The following TMEM178B variants were observed in gnomAD, a reference collection of about 807,000 sequenced individuals.
TMEM178B encodes the protein transmembrane protein 178B.
Under a neutral mutation model 31.0 loss-of-function variants are expected in TMEM178B, and 5 were observed. The observed-to-expected ratio is 0.16, with a 90% CI of 0.08 to 0.34. TMEM178B has a LOEUF of 0.34. Ranked by LOEUF, TMEM178B falls within the 10% of genes least tolerant of loss-of-function variation. The pLI is 1.00. For missense variants in TMEM178B, 275 were observed against 400.3 expected (o/e 0.69, Z 2.67); for synonymous variants, 164 against 164.0 (o/e 1.00, Z 0.00).
At chr7:141,101,675 T>C (rs971853335) in intron 1 of TMEM178B, among the ~76,000 whole-genome samples, 5 of 152,224 alleles carry the variant, frequency 3.3e-5, no homozygotes, top group African/African-American at 9.6e-5. Flanking sequence ...TAAAAATACA[T>C]GCAGCATATT....
intron 2 of TMEM178B, among the ~76,000 whole-genome samples, chr7:141,349,095 T>C (rs1799667402): frequency 6.6e-6 from 1 of 152,256 alleles, no homozygotes; most frequent in African/African-American, 2.4e-5. Flanking sequence ...CTTTATTTAG[T>C]AGCTAATTGA....
chr7:141,438,454 G>C (rs1269952135), intron 3 of TMEM178B, among the ~76,000 whole-genome samples: 1 of 151,794 alleles, frequency 6.6e-6, no homozygotes, highest in Non-Finnish European at 1.5e-5. Flanking sequence ...CTCCTGGTTT[G>C]AGTTTCAGTC....
chr7:141,128,239 C>T (rs576122528), intron 1 of TMEM178B, among the ~76,000 whole-genome samples: 77 of 152,278 alleles, frequency 5.1e-4, no homozygotes, highest in African/African-American at 1.8e-3. Flanking sequence ...TCCACTGGGC[C>T]TGCTTTTTGG....
At chr7:141,109,288 G>A (rs1482794716) in intron 1 of TMEM178B, among the ~76,000 whole-genome samples, 4 of 152,052 alleles carry the variant, frequency 2.6e-5, no homozygotes, top group Non-Finnish European at 5.9e-5. Context: ...GAAAAGGTAA[G>A]GGGTGGTGAA....
At chr7:141,376,466 A>G (rs1295344783) in intron 2 of TMEM178B, among the ~76,000 whole-genome samples, 2 of 152,244 alleles carry the variant, frequency 1.3e-5, no homozygotes, top group Non-Finnish European at 2.9e-5. Flanking sequence ...TAACATCGCT[A>G]ATGATGTAAC....
At chr7:141,232,651 G>A (rs1250407037) in intron 2 of TMEM178B, among the ~76,000 whole-genome samples, 1 of 152,206 alleles carries the variant, frequency 6.6e-6, no homozygotes, top group African/African-American at 2.4e-5. Flanking sequence ...GTAAAAATAT[G>A]AATTAAATGC....
In TMEM178B at chr7:141,317,023, A is replaced by C. The variant is rs566342046; in HGVS notation, c.496+104319A>C. Among the ~76,000 whole-genome samples, 15 of 152,256 alleles carry C rather than the reference A, an allele frequency of 9.9e-5. No homozygotes were observed. The South Asian group carries it at 3.1e-3, about 32-fold the overall frequency. ...TGCTGGATATCCTTGTTCAACTCAG[A>C]TATATCAAGGAAGATGACCCAAACT... On this transcript the variant is annotated intron_variant, in intron 2 of 3. Transcript: ENST00000565468.
intron 3 of TMEM178B, among the ~76,000 whole-genome samples, chr7:141,457,494 A>G (rs59816488): frequency 0.018 from 2,736 of 152,306 alleles, 88 homozygotes; most frequent in African/African-American, 0.062. Context: ...AATTCAGTCT[A>G]TGCCTGAATT....
chr7:141,478,195 G>C lies in TMEM178B; in HGVS notation c.*7409G>C, dbSNP rs1230153665. 6.5e-6 allele frequency: 1 copy of C among 152,838 alleles called. No individual in the cohort carries two copies. The highest frequency in any genetic ancestry group is 1.5e-5 in the Non-Finnish European group (1 of 68,310). The allele number at this position is 152,838 out of a possible 1,614,324, so 9.5% of individuals were successfully genotyped here. A position where few individuals can be genotyped will look rare whatever the true frequency, so the allele number is the denominator to read the frequency against. On this transcript the variant is annotated 3_prime_UTR_variant, in exon 4 of 4. Transcript: ENST00000565468. ...CAGAGGTAAGATGAACGGAGCTTTG[G>C]GAAGGACAGATGGCAGAAGCACCAG... is the stretch of plus-strand genomic sequence containing the variant.
At chr7:141,255,410 A>G (rs1342682683) in intron 2 of TMEM178B, among the ~76,000 whole-genome samples, 1 of 152,222 alleles carries the variant, frequency 6.6e-6, no homozygotes, top group African/African-American at 2.4e-5. Flanking sequence ...GTAACCAGAA[A>G]CAGTGGTTTC....
chr7:141,242,125 T>C (rs1442910666), intron 2 of TMEM178B, among the ~76,000 whole-genome samples: 1 of 152,178 alleles, frequency 6.6e-6, no homozygotes, highest in Non-Finnish European at 1.5e-5. Flanking sequence ...ATATTCATGC[T>C]CCTATTAATA....
intron 2 of TMEM178B, among the ~76,000 whole-genome samples, chr7:141,258,037 A>G (rs1300633636): frequency 2.0e-5 from 3 of 151,824 alleles, no homozygotes; most frequent in African/African-American, 7.2e-5. Context: ...TCTAGAGAGT[A>G]CATTATGATC....
intron 2 of TMEM178B, among the ~76,000 whole-genome samples, chr7:141,391,325 C>A (rs755774716): frequency 2.0e-5 from 3 of 152,078 alleles, no homozygotes; most frequent in Non-Finnish European, 4.4e-5. Context: ...ACCACCACGC[C>A]CGGCTGATTT....
chr7:141,365,467 C>A (rs1402748848), intron 2 of TMEM178B, among the ~76,000 whole-genome samples: 1 of 152,144 alleles, frequency 6.6e-6, no homozygotes, highest in Admixed American at 6.5e-5. Flanking sequence ...GGGCCCATCT[C>A]CTTCACCCCT....
chr7:141,183,774 A>G (rs1176452778), intron 1 of TMEM178B, among the ~76,000 whole-genome samples: 4 of 152,216 alleles, frequency 2.6e-5, no homozygotes, highest in Admixed American at 2.0e-4. Context: ...GAATATGTAT[A>G]TGATTATGAT....
intron 2 of TMEM178B, among the ~76,000 whole-genome samples, chr7:141,328,549 G>C (rs1171013999): frequency 6.6e-6 from 1 of 152,214 alleles, no homozygotes; most frequent in Non-Finnish European, 1.5e-5. Flanking sequence ...CCCAGGAACA[G>C]AAGGGGAGGA....
At chr7:141,409,872 G>A (rs191866367) in intron 2 of TMEM178B, among the ~76,000 whole-genome samples, 87 of 152,230 alleles carry the variant, frequency 5.7e-4, no homozygotes, top group African/African-American at 2.0e-3. Flanking sequence ...CACAAAGTGG[G>A]ATTCCAGCTC....
At chr7:141,433,459 T>G (rs1801475518) in intron 2 of TMEM178B, among the ~76,000 whole-genome samples, 1 of 152,194 alleles carries the variant, frequency 6.6e-6, no homozygotes, top group Non-Finnish European at 1.5e-5. Flanking sequence ...CCTGCAGACT[T>G]TTGTTGTTGT....
At position 141,391,933 on chromosome 7, in the gene TMEM178B, C is replaced by T. The variant is rs192172272; in HGVS notation, c.497-45675C>T. Among the ~76,000 whole-genome samples the T allele has an allele frequency of 1.0e-3, 157 of 152,306 alleles. 1 individual carries two copies. The highest frequency in any genetic ancestry group is 1.5e-3 in the African/African-American group (61 of 41,558). On this transcript the variant is annotated intron_variant, in intron 2 of 3. Coordinates refer to ENST00000565468, the MANE Select transcript of TMEM178B (RefSeq NM_001195278.2). ...TTTTGTTTATCCATTCATCCGTCAGCGGATACATCAGTTGCTTCCACCTTT... is the reference window on the plus strand; with the variant it reads ...TTTTGTTTATCCATTCATCCGTCAGTGGATACATCAGTTGCTTCCACCTTT...
Sources: gnomAD v4.1 joint callset for allele counts (sites outside exome capture counted in the v4.1 genomes callset) on GRCh38, gnomAD v4.1.1 for gene constraint, MANE v1.5 for transcripts, NCBI Gene and HGNC (gene_info 2026-07-23, HGNC 2026-07-21) for gene names.